DCAF4: variants seen among roughly 807,000 people sequenced by gnomAD.
The protein encoded by DCAF4 is DDB1 and CUL4 associated factor 4, also known as DDB1- and CUL4-associated factor 4.
A neutral mutation model predicts 60.9 loss-of-function variants in DCAF4; 37 were observed. That is an observed-to-expected ratio of 0.61 (90% CI 0.47 to 0.80). The LOEUF is 0.80. Among genes scored for constraint, DCAF4 ranks in the 30% least tolerant of loss-of-function variants. The probability of loss-of-function intolerance (pLI) is 0.00; values close to 1 mark genes in which losing one functional copy is unlikely to be tolerated. For synonymous variants in DCAF4, 243 were observed against 254.8 expected (o/e 0.95, Z 0.44); for missense variants, 577 against 650.0 (o/e 0.89, Z 1.22).
chr14:72,953,782 T>TTGTGTGTGTGTGTG, intron 9 of DCAF4, among the ~76,000 whole-genome samples: 1 of 41,124 alleles, frequency 2.4e-5, no homozygotes, highest in South Asian at 1.3e-3. Context: ...ATTTATTTAT[T>TTGTGTGTGTGTGTG]TGTGTGTGTG....
intron 2 of DCAF4, 119 bp downstream of exon 2, chr14:72,938,189 T>A (rs554589584): frequency 2.2e-5 from 31 of 1,382,750 alleles, no homozygotes; most frequent in Non-Finnish European, 3.0e-5. Flanking sequence ...ATGCAGGTTC[T>A]GATTCTGTAG....
At chr14:72,943,514 G>A (rs73309970) in intron 6 of DCAF4, among the ~76,000 whole-genome samples, 3,448 of 152,264 alleles carry the variant, frequency 0.023, 132 homozygotes, top group African/African-American at 0.08. Flanking sequence ...GGTCACTAGA[G>A]GGTAGGACTC....
At chr14:72,961,698 A>G (rs1334123114), downstream of DCAF4, among the ~76,000 whole-genome samples, 1 of 152,234 alleles carries the variant, frequency 6.6e-6, no homozygotes, top group Non-Finnish European at 1.5e-5. Flanking sequence ...TTCAGCCCAG[A>G]GGCTCAGGAC....
intron 8 of DCAF4, among the ~76,000 whole-genome samples, chr14:72,949,110 A>G (rs1247663825): frequency 6.6e-6 from 1 of 152,102 alleles, no homozygotes; most frequent in Non-Finnish European, 1.5e-5. Flanking sequence ...GGAGCTTACT[A>G]CCCAGAGCGG....
At chr14:72,946,769 C>T (rs1035879729) in intron 7 of DCAF4, among the ~76,000 whole-genome samples, 5 of 152,110 alleles carry the variant, frequency 3.3e-5, no homozygotes, top group African/African-American at 7.2e-5. Context: ...TGGCGGCATC[C>T]GTGAGAAGCT....
Position 72,955,499 on chromosome 14 carries a change from A to G in DCAF4, c.1006-24A>G, listed in dbSNP as rs542457093. The G allele has an allele frequency of 3.1e-6, 5 of 1,608,786 alleles. No individual in the cohort carries two copies. The African/African-American group carries it at 5.3e-5, about 17-fold the overall frequency. ...CAGAGGGATGTCATGATAGCCAGGCACTGAGCAGTCCCTCTTTCCACAGGC... is the reference window on the plus strand; with the variant it reads ...CAGAGGGATGTCATGATAGCCAGGCGCTGAGCAGTCCCTCTTTCCACAGGC... On this transcript the variant is annotated intron_variant, in intron 11 of 13. Transcript: ENST00000358377.
chr14:72,933,009 G>A (rs1022008283), intron 1 of DCAF4, among the ~76,000 whole-genome samples: 1 of 152,174 alleles, frequency 6.6e-6, no homozygotes, highest in East Asian at 1.9e-4. Context: ...GAGCAGCTGG[G>A]ATTATAGGCA....
chr14:72,961,658 C>T (rs1478299564), downstream of DCAF4, among the ~76,000 whole-genome samples: 1 of 152,264 alleles, frequency 6.6e-6, no homozygotes, highest in African/African-American at 2.4e-5. Context: ...AGGAAGCCTT[C>T]TGTCCCTCAA....
intron 3 of DCAF4, 69 bp downstream of exon 3, chr14:72,939,971 TGGAA>T: frequency 7.0e-7 from 1 of 1,424,574 alleles, no homozygotes; most frequent in Non-Finnish European, 9.5e-7. Flanking sequence ...GTTCCTGGCT[TGGAA>T]GGAATTCCAG....
At chr14:72,949,392 G>A (rs1263978125) in intron 8 of DCAF4, among the ~76,000 whole-genome samples, 2 of 152,202 alleles carry the variant, frequency 1.3e-5, no homozygotes, top group Non-Finnish European at 2.9e-5. Context: ...AGAGTTCAAA[G>A]CTGCAGTGAG....
Position 72,937,965 on chromosome 14 carries a change from T to G in DCAF4, c.-8-6T>G. ...ATGTATGGATTTTTTTGTTTTTCTCTTTTAGGAACAGAAATGAATAAAAGT... is the reference window on the plus strand; with the variant it reads ...ATGTATGGATTTTTTTGTTTTTCTCGTTTAGGAACAGAAATGAATAAAAGT... On this transcript the variant is annotated splice_region_variant and splice_polypyrimidine_tract_variant and intron_variant, in intron 1 of 13. Transcript: ENST00000358377. 1 of 1,586,220 alleles carries G rather than the reference T, an allele frequency of 6.3e-7. No individual in the cohort carries two copies. Among genetic ancestry groups the G allele is most frequent in the African/African-American group, 1.4e-5 (1 of 73,006 alleles).
At chr14:72,954,889 G>T (rs1892064809) in intron 11 of DCAF4, among the ~76,000 whole-genome samples, 1 of 152,132 alleles carries the variant, frequency 6.6e-6, no homozygotes, top group African/African-American at 2.4e-5. Flanking sequence ...GGCCAAGATG[G>T]GTGGATCACA....
At chr14:72,953,099 C>T (rs909490873) in intron 9 of DCAF4, among the ~76,000 whole-genome samples, 1 of 147,520 alleles carries the variant, frequency 6.8e-6, no homozygotes, top group Admixed American at 6.9e-5. Flanking sequence ...CTCTGGGGCT[C>T]AAGCGATTCT....
intron 8 of DCAF4, 129 bp downstream of exon 8, chr14:72,947,320 C>A: frequency 9.2e-7 from 1 of 1,088,138 alleles, no homozygotes; most frequent in Non-Finnish European, 1.4e-6. Flanking sequence ...TTACATCTCA[C>A]GCTTTAGAAA....
chr14:72,948,645 A>G (rs1891042237), intron 8 of DCAF4, among the ~76,000 whole-genome samples: 1 of 152,138 alleles, frequency 6.6e-6, no homozygotes, highest in Admixed American at 6.5e-5. Flanking sequence ...AATCCATGTA[A>G]TTGGACTTAA....
At chr14:72,929,662 GCTC>G in intron 1 of DCAF4, 5 of 1,336,238 alleles carry the variant, frequency 3.7e-6, no homozygotes, top group Non-Finnish European at 5.3e-6. Context: ...ACCTTGCTCA[GCTC>G]CTCCCGCTTC....
intron 2 of DCAF4, among the ~76,000 whole-genome samples, chr14:72,938,551 C>T (rs1889604160): frequency 6.6e-6 from 1 of 152,162 alleles, no homozygotes; most frequent in South Asian, 2.1e-4. Flanking sequence ...GTCATGCAAA[C>T]ATCATAGCAC....
At chr14:72,931,729 A>G (rs1335328105) in intron 1 of DCAF4, among the ~76,000 whole-genome samples, 1 of 152,126 alleles carries the variant, frequency 6.6e-6, no homozygotes, top group Non-Finnish European at 1.5e-5. Flanking sequence ...TGTTTTTTTA[A>G]TCATGAGAGG....
chr14:72,958,244 GCCCGGGCGACAGAGCAAGAC>G (rs1350018861), intron 13 of DCAF4: 1 of 319,394 alleles, frequency 3.1e-6, no homozygotes, highest in African/African-American at 2.2e-5. Flanking sequence ...CTGCACTCCA[GCCCGGGCGACAGAGCAAGAC>G]CCTGTCCCTA....
Sources: allele counts gnomAD v4.1 joint callset (sites outside exome capture counted in the v4.1 genomes callset), GRCh38; gene constraint gnomAD v4.1.1; transcripts MANE v1.5; gene names NCBI Gene and HGNC (gene_info 2026-07-23, HGNC 2026-07-21).